KDM4C: variants seen among roughly 807,000 people sequenced by gnomAD.
KDM4C encodes the protein lysine demethylase 4C.
A neutral mutation model predicts 129.3 loss-of-function variants in KDM4C; 81 were observed. The observed-to-expected ratio is 0.63, with a 90% CI of 0.52 to 0.75. The LOEUF (loss-of-function observed/expected upper bound fraction) is 0.75. Among genes scored for constraint, KDM4C ranks in the 30% least tolerant of loss-of-function variants. The probability of loss-of-function intolerance (pLI) is 0.00; values close to 1 mark genes in which losing one functional copy is unlikely to be tolerated. For synonymous variants in KDM4C, 573 were observed against 456.1 expected (o/e 1.26, Z -3.26); for missense variants, 1,457 against 1,304.0 (o/e 1.12, Z -1.81).
intron 12 of KDM4C, among the ~76,000 whole-genome samples, chr9:6,997,862 C>T (rs1334849691): frequency 1.3e-5 from 2 of 152,210 alleles, no homozygotes; most frequent in African/African-American, 4.8e-5. Context: ...TGCCATTAAT[C>T]TAAACTTTTA....
At chr9:6,853,169 A>T (rs2130218583) in intron 5 of KDM4C, among the ~76,000 whole-genome samples, 1 of 152,260 alleles carries the variant, frequency 6.6e-6, no homozygotes, top group East Asian at 1.9e-4. Context: ...CTTTAAGGGC[A>T]GGCATGGAAA....
intron 10 of KDM4C, among the ~76,000 whole-genome samples, chr9:6,985,171 C>G (rs1472212945): frequency 1.3e-5 from 2 of 152,158 alleles, no homozygotes; most frequent in African/African-American, 4.8e-5. Context: ...GGAATGTCAG[C>G]TGTAGTCACC....
intron 15 of KDM4C, among the ~76,000 whole-genome samples, chr9:7,040,947 G>A (rs1351714574): frequency 6.6e-6 from 1 of 150,818 alleles, no homozygotes; most frequent in East Asian, 1.9e-4. Flanking sequence ...AAAATTTTCT[G>A]TCAATATCTC....
At chr9:6,792,337 T>C (rs1336074550) in intron 1 of KDM4C, among the ~76,000 whole-genome samples, 2 of 151,842 alleles carry the variant, frequency 1.3e-5, no homozygotes, top group Non-Finnish European at 2.9e-5. Context: ...AGCGAGACTG[T>C]CTCAAAAAAA....
At chr9:7,016,527 G>C (rs1586933412) in intron 15 of KDM4C, among the ~76,000 whole-genome samples, 1 of 145,336 alleles carries the variant, frequency 6.9e-6, no homozygotes, top group East Asian at 2.1e-4. Flanking sequence ...CCCAGGTTAA[G>C]CAATTCTCCA....
At chr9:6,995,873 G>T (rs534797239) in intron 12 of KDM4C, among the ~76,000 whole-genome samples, 2 of 145,096 alleles carry the variant, frequency 1.4e-5, no homozygotes, top group Non-Finnish European at 3.1e-5. Context: ...GGGTTTCACT[G>T]TGTTAGCCAG....
intron 4 of KDM4C, among the ~76,000 whole-genome samples, chr9:6,848,744 G>T (rs1838310218): frequency 6.6e-6 from 1 of 151,998 alleles, no homozygotes; most frequent in Non-Finnish European, 1.5e-5. Flanking sequence ...TTATAGTAGT[G>T]ACTCTAACCT....
rs535767069 is a variant in KDM4C, at chr9:7,035,642, C to T, written c.2260-11220C>T. Among the ~76,000 whole-genome samples, 4 of 152,088 alleles carry T rather than the reference C, an allele frequency of 2.6e-5. No individual in the cohort carries two copies. In the South Asian group the frequency reaches 8.3e-4, roughly 32 times the overall value. On this transcript the variant is annotated intron_variant, in intron 15 of 21. Transcript: ENST00000381309. ...AGATCTTAGGTTTAGGTCTTTGATT[C>T]ATTTTAAGTTGATTTTTGTATAGGG...
intron 8 of KDM4C, among the ~76,000 whole-genome samples, chr9:6,896,237 A>T (rs1376659901): frequency 1.3e-5 from 2 of 152,164 alleles, no homozygotes; most frequent in African/African-American, 4.8e-5. Flanking sequence ...TAAAAAAGTC[A>T]TTGTTCATAA....
At chr9:6,862,662 C>G (rs181811950) in intron 5 of KDM4C, among the ~76,000 whole-genome samples, 44 of 152,188 alleles carry the variant, frequency 2.9e-4, no homozygotes, top group Non-Finnish European at 5.4e-4. Context: ...AACACATTAG[C>G]CAGGTGTGGA....
chr9:6,904,643 T>G (rs57463825), intron 8 of KDM4C, among the ~76,000 whole-genome samples: 22,889 of 152,250 alleles, frequency 0.15, 2,030 homozygotes, highest in South Asian at 0.34. Context: ...CCACTACAGT[T>G]AATACTGGAA....
In KDM4C at chr9:6,721,257, T is replaced by A. The variant is rs559516656; in HGVS notation, c.49+260T>A. 1.7e-3 allele frequency: 257 copies of A among 154,040 alleles called. 2 individuals are homozygous for A. The highest frequency in any genetic ancestry group is 6.1e-3 in the African/African-American group (205 of 33,346). The allele number at this position is 154,040 out of a possible 1,614,324, so 9.5% of individuals were successfully genotyped here. A position where few individuals can be genotyped will look rare whatever the true frequency, so the allele number is the denominator to read the frequency against. ...CCTGGCTTTTTTTTTTTTTTTTTTT[T>A]AATTTTAAATTAACTTTTTTTTTTT... On this transcript the variant is annotated intron_variant, in intron 1 of 17. Coordinates refer to the KDM4C transcript ENST00000536108.
At chr9:7,055,584 C>G (rs917815811) in intron 17 of KDM4C, among the ~76,000 whole-genome samples, 3 of 152,082 alleles carry the variant, frequency 2.0e-5, no homozygotes, top group Admixed American at 6.6e-5. Context: ...AACCTGCAAG[C>G]CAAAGATTAT....
intron 8 of KDM4C, among the ~76,000 whole-genome samples, chr9:6,955,941 C>A (rs542752239): frequency 1.3e-5 from 2 of 152,300 alleles, no homozygotes; most frequent in Admixed American, 1.3e-4. Flanking sequence ...GTTGGAAATA[C>A]AACAGAACTG....
At chr9:6,928,094 A>G (rs935552513) in intron 8 of KDM4C, among the ~76,000 whole-genome samples, 4 of 152,124 alleles carry the variant, frequency 2.6e-5, no homozygotes, top group Non-Finnish European at 4.4e-5. Flanking sequence ...TGGGCTATCA[A>G]ACAGCTTTTA....
chr9:6,982,852 A>C (rs1173791377), intron 9 of KDM4C: 5 of 152,226 alleles, frequency 3.3e-5, no homozygotes, highest in Admixed American at 3.3e-4. Flanking sequence ...AGTAGGTTCA[A>C]ATAATCAATG....
chr9:7,106,841 A>G (rs1159562771), intron 18 of KDM4C, among the ~76,000 whole-genome samples: 1 of 152,052 alleles, frequency 6.6e-6, no homozygotes, highest in Non-Finnish European at 1.5e-5. Flanking sequence ...TGAGCTTTGG[A>G]TGTAAAATTA....
chr9:6,974,546 C>T (rs1410294122), intron 8 of KDM4C, among the ~76,000 whole-genome samples: 6 of 152,092 alleles, frequency 3.9e-5, no homozygotes, highest in South Asian at 2.1e-4. Context: ...TTAGTAGAGA[C>T]GGAGTTTCAC....
chr9:6,905,905 T>G (rs1818229930), intron 8 of KDM4C, among the ~76,000 whole-genome samples: 1 of 152,182 alleles, frequency 6.6e-6, no homozygotes, highest in Non-Finnish European at 1.5e-5. Context: ...TCCTGCCAGT[T>G]AGAGTGGCCT....
Sources: gnomAD v4.1 joint callset for allele counts (sites outside exome capture counted in the v4.1 genomes callset) on GRCh38, gnomAD v4.1.1 for gene constraint, MANE v1.5 for transcripts, NCBI Gene and HGNC (gene_info 2026-07-23, HGNC 2026-07-21) for gene names.